The following GFM2 variants were observed in gnomAD, a reference collection of about 807,000 sequenced individuals.
GFM2 encodes the protein ribosome-releasing factor 2, mitochondrial.
A neutral mutation model predicts 95.4 loss-of-function variants in GFM2; 72 were observed. That is an observed-to-expected ratio of 0.76 (90% CI 0.62 to 0.92). The LOEUF is 0.92. GFM2 is among the 40% of genes least tolerant of loss of function. The pLI is 0.00. For synonymous variants in GFM2, 276 were observed against 317.5 expected (o/e 0.87, Z 1.39); for missense variants, 825 against 924.1 (o/e 0.89, Z 1.39).
At chr5:74,729,048 G>A (rs11746611) in intron 17 of GFM2, among the ~76,000 whole-genome samples, 20,577 of 152,058 alleles carry the variant, frequency 0.14, 1,674 homozygotes, top group Admixed American at 0.2. Context: ...CACCAGACCT[G>A]GCCATGTGTG....
At chr5:74,762,005 T>A (rs1041954356) in intron 2 of GFM2, among the ~76,000 whole-genome samples, 3 of 152,216 alleles carry the variant, frequency 2.0e-5, no homozygotes, top group African/African-American at 7.2e-5. Context: ...CCAGTGTCTA[T>A]CACAGCGTGC....
intron 15 of GFM2, chr5:74,736,373 G>A: frequency 1.0e-6 from 1 of 984,656 alleles, no homozygotes; most frequent in Non-Finnish European, 1.2e-6. Context: ...GGTCAAACAA[G>A]ATTATCCACA....
chr5:74,759,623 A>G (rs919509509), intron 3 of GFM2, among the ~76,000 whole-genome samples, 197 bp from the exon 4 acceptor site: 1 of 152,180 alleles, frequency 6.6e-6, no homozygotes, highest in Non-Finnish European at 1.5e-5. Context: ...CAATAAAACA[A>G]GGTAAAAGTT....
intron 15 of GFM2, among the ~76,000 whole-genome samples, chr5:74,733,748 A>G (rs1387823970): frequency 2.0e-5 from 3 of 152,334 alleles, no homozygotes; most frequent in South Asian, 2.1e-4. Context: ...TATTTTCCAA[A>G]TATCAATTTA....
At chr5:74,726,910 C>A (rs984328956) in intron 17 of GFM2, among the ~76,000 whole-genome samples, 3 of 152,058 alleles carry the variant, frequency 2.0e-5, no homozygotes, top group Non-Finnish European at 4.4e-5. Context: ...CACCTGTAAT[C>A]CCACCCAGCA....
chr5:74,728,395 A>T lies in GFM2; in HGVS notation c.1726+1865T>A, dbSNP rs111979516. On this transcript the variant is annotated intron_variant, in intron 17 of 20. Coordinates refer to ENST00000296805, the MANE Select transcript of GFM2 (RefSeq NM_032380.5). The stretch of plus-strand genomic sequence containing the variant: ...ATTTATTAAGTAAAAGTAGAACATC[A>T]TAAAGGTCTTTATCCTCGTCATCTT... Among the ~76,000 whole-genome samples, 287 of 152,330 alleles carry T rather than the reference A, an allele frequency of 1.9e-3. 3 individuals are homozygous for T. Among genetic ancestry groups the T allele is most frequent in the African/African-American group, 6.4e-3 (268 of 41,588 alleles).
chr5:74,721,639 C>T lies in GFM2; in HGVS notation c.*16G>A, dbSNP rs771139939. 6.2e-7 allele frequency: 1 copy of T among 1,604,354 alleles called. No homozygotes were observed. ...TAGCTAGGTGCTCCTGAATTTCTCTCCAAAAACTAAAACATTTAGGTCAAA... is the reference window on the plus strand; with the variant it reads ...TAGCTAGGTGCTCCTGAATTTCTCTTCAAAAACTAAAACATTTAGGTCAAA... On this transcript the variant is annotated 3_prime_UTR_variant, in exon 21 of 21. Transcript: ENST00000296805.
rs1456496425 is a variant in GFM2, at chr5:74,733,052, C to T, written c.1557G>A (p.Leu519=). ...CAGAGTCAGGATCTAGCCTCACTTT[C>T]AAACTGGGATCTTCACGCTGAAGAC... ...LKCLQREDPS[L]KVRLDPDSGQ... The change falls in exon 16 of 21, where the codon TTG becomes TTA. Residue 519 remains leucine (L), a synonymous_variant. Transcript: ENST00000296805. 1.9e-6 allele frequency: 3 copies of T among 1,612,814 alleles called. No homozygotes were observed. Among genetic ancestry groups the T allele is most frequent in the African/African-American group, 2.7e-5 (2 of 74,828 alleles).
rs747881218 is a variant in GFM2 at position 74,738,583 on chromosome 5, C to T, written c.1139G>A (p.Arg380Gln). ...LAFKVLHDKQ[R>Q]GPLVFMRIYS... The stretch of plus-strand genomic sequence containing the variant: ...AATGCGCATAAAAACCAGTGGTCCT[C>T]GCTGCTTGTCATGGAGAACTTTAAA... Residue 380 changes from arginine to glutamine, a missense_variant, in exon 13 of 21, where the codon CGA becomes CAA. By Grantham distance (43) the Arg-to-Gln change is conservative. Transcript: ENST00000296805. 6 of 1,613,510 alleles carry T rather than the reference C, an allele frequency of 3.7e-6. No individual in the cohort carries two copies. The highest frequency in any genetic ancestry group is 1.7e-5 in the Admixed American group (1 of 59,956).
chr5:74,738,360 T>C lies in GFM2; in HGVS notation c.1278A>G (p.Ser426=), dbSNP rs774926981. ...PFADQHVEIP[S]LTAGNIALTV... is the part of the protein sequence containing the mutation. ...TCAAAGCAATGTTACCAGCAGTCAA[T>C]GAAGGGATTTCTACATGTTGGTCAG... The change falls in exon 14 of 21, where the codon TCA becomes TCG. Residue 426 remains serine, a synonymous_variant. Coordinates refer to ENST00000296805, the MANE Select transcript of GFM2 (RefSeq NM_032380.5). The C allele has an allele frequency of 8.1e-6, 13 of 1,613,530 alleles. No individual in the cohort carries two copies. The highest frequency in any genetic ancestry group is 5.0e-5 in the Admixed American group (3 of 59,964).
rs200652138 is a variant in GFM2 at position 74,721,621 on chromosome 5, G to A, written c.*34C>T. 38 of 1,598,864 alleles carry A rather than the reference G, an allele frequency of 2.4e-5. No homozygotes were observed. The East Asian group carries it at 4.7e-4, about 20-fold the overall frequency. ...TTCTTACTGAAAATGAAGTAGCTAGGTGCTCCTGAATTTCTCTCCAAAAAC... is the reference window on the plus strand; with the variant it reads ...TTCTTACTGAAAATGAAGTAGCTAGATGCTCCTGAATTTCTCTCCAAAAAC... On this transcript the variant is annotated 3_prime_UTR_variant, in exon 21 of 21. Coordinates refer to ENST00000296805, the MANE Select transcript of GFM2 (RefSeq NM_032380.5).
intron 17 of GFM2, among the ~76,000 whole-genome samples, chr5:74,728,460 G>C (rs1750249982): frequency 6.6e-6 from 1 of 152,092 alleles, no homozygotes; most frequent in South Asian, 2.1e-4. Context: ...GGAGGGGTTT[G>C]GCTTGCTGTC....
chr5:74,740,086 G>GCA lies in GFM2; in HGVS notation c.980_981dup (p.Leu328CysfsTer7), dbSNP rs1561246362. ...TTGTTTTTCAGGGCACTTCCACAAA[G>GCA]CACAGGCACTGCTGTCTGAGCTAGT... is the stretch of plus-strand genomic sequence containing the variant. On this transcript the variant is annotated frameshift_variant, in exon 12 of 21. Transcript: ENST00000296805. LOFTEE classifies it high-confidence loss of function. 1 of 1,607,608 alleles carries GCA rather than the reference G, an allele frequency of 6.2e-7. No individual in the cohort carries two copies.
At chr5:74,751,266 C>T in intron 6 of GFM2, 102 bp downstream of exon 6, 2 of 1,163,216 alleles carry the variant, frequency 1.7e-6, no homozygotes, top group Non-Finnish European at 2.4e-6. Flanking sequence ...AATTTTGCAA[C>T]ACATGTTTTT....
At position 74,746,403 on chromosome 5, in the gene GFM2, G is replaced by T. The variant is rs34833477; in HGVS notation, c.609-238C>A. ...TAATCCAGCCACAGAGCTGTTTAGG[G>T]TATTATTATTGTGAGCTTCGCATAA... On this transcript the variant is annotated intron_variant, in intron 8 of 20. Transcript: ENST00000296805. Among the ~76,000 whole-genome samples, 2,162 of 152,268 alleles carry T rather than the reference G, an allele frequency of 0.014. 47 individuals carry two copies. The highest frequency in any genetic ancestry group is 0.047 in the African/African-American group (1,965 of 41,550).
intron 5 of GFM2, among the ~76,000 whole-genome samples, chr5:74,752,637 T>G (rs1743777569): frequency 6.6e-6 from 1 of 152,204 alleles, no homozygotes; most frequent in South Asian, 2.1e-4. Flanking sequence ...TACACAGTAG[T>G]AAGCATTTTC....
intron 10 of GFM2, among the ~76,000 whole-genome samples, chr5:74,744,445 T>G (rs1023680808): frequency 2.6e-5 from 4 of 151,924 alleles, no homozygotes; most frequent in African/African-American, 9.7e-5. Flanking sequence ...AATTTAGAAG[T>G]GAAAAATCAA....
At chr5:74,755,406 A>C (rs972462713) in intron 5 of GFM2, among the ~76,000 whole-genome samples, 1 of 152,194 alleles carries the variant, frequency 6.6e-6, no homozygotes, top group Non-Finnish European at 1.5e-5. Context: ...GTCAACAATG[A>C]TATCAAGATG....
intron 1 of GFM2, among the ~76,000 whole-genome samples, 164 bp downstream of exon 1, chr5:74,766,774 T>C (rs73114800): frequency 0.015 from 2,244 of 152,318 alleles, 57 homozygotes; most frequent in African/African-American, 0.051. Context: ...CGCCGAATGA[T>C]AGAGAAAAAC....
Sources: allele counts gnomAD v4.1 joint callset (sites outside exome capture counted in the v4.1 genomes callset), GRCh38; gene constraint gnomAD v4.1.1; transcripts MANE v1.5; gene names NCBI Gene and HGNC (gene_info 2026-07-23, HGNC 2026-07-21).